CLDN16: variants seen among roughly 807,000 people sequenced by gnomAD.
CLDN16 encodes claudin 16, also known as claudin-16.
A neutral mutation model predicts 24.6 loss-of-function variants in CLDN16; 13 were observed. The ratio of observed to expected loss-of-function variants is 0.53; its 90% confidence interval spans 0.34 to 0.84. The LOEUF is 0.84. Among genes scored for constraint, CLDN16 ranks in the 40% least tolerant of loss-of-function variants. The pLI, the probability that CLDN16 is intolerant of heterozygous loss-of-function variation, is 0.01. For synonymous variants in CLDN16, 116 were observed against 106.7 expected (o/e 1.09, Z -0.54); for missense variants, 298 against 292.7 (o/e 1.02, Z -0.13).
intron 1 of CLDN16, among the ~76,000 whole-genome samples, chr3:190,328,363 A>C (rs1717114363): frequency 6.6e-6 from 1 of 152,144 alleles, no homozygotes; most frequent in Non-Finnish European, 1.5e-5. Flanking sequence ...TTCTCTCTCC[A>C]TTAGACATGA....
intron 1 of CLDN16, among the ~76,000 whole-genome samples, chr3:190,339,582 G>T (rs79501090): frequency 1.3e-5 from 2 of 152,120 alleles, no homozygotes; most frequent in Middle Eastern, 3.2e-3. Context: ...GAAGTTTAAT[G>T]ATCATTGGAA....
chr3:190,347,117 T>C (rs1005470776), intron 1 of CLDN16, among the ~76,000 whole-genome samples: 1 of 152,080 alleles, frequency 6.6e-6, no homozygotes, highest in Non-Finnish European at 1.5e-5. Context: ...ATGTCCAAGG[T>C]CACAAAGCTA....
chr3:190,297,437 A>G, the CLDN16 span, among the ~76,000 whole-genome samples: 15 of 144,622 alleles, frequency 1.0e-4, no homozygotes, highest in South Asian at 3.2e-3. Flanking sequence ...TAATTTACAT[A>G]CATATGTAAA....
chr3:190,327,636 G>A (rs1717096272), intron 1 of CLDN16, among the ~76,000 whole-genome samples: 1 of 152,202 alleles, frequency 6.6e-6, no homozygotes, highest in Non-Finnish European at 1.5e-5. Context: ...GAAAGCTTAT[G>A]TGGTACGCTA....
chr3:190,332,114 C>T (rs1303323666), intron 1 of CLDN16, among the ~76,000 whole-genome samples: 2 of 152,132 alleles, frequency 1.3e-5, no homozygotes, highest in African/African-American at 2.4e-5. Flanking sequence ...TAATTCCCAT[C>T]GTGCCATGTA....
intron 1 of CLDN16, among the ~76,000 whole-genome samples, chr3:190,357,405 C>T (rs903834420): frequency 6.6e-6 from 1 of 151,886 alleles, no homozygotes; most frequent in Non-Finnish European, 1.5e-5. Context: ...TTCAAACACT[C>T]TTTATTTTTG....
Position 190,410,754 on chromosome 3 carries a change from C to A in CLDN16, c.*718C>A, listed in dbSNP as rs1484170679. The A allele has an allele frequency of 1.3e-5, 2 of 152,100 alleles. No individual in the cohort carries two copies. Among genetic ancestry groups the A allele is most frequent in the Non-Finnish European group, 2.9e-5 (2 of 68,048 alleles). 9.4% of individuals were successfully genotyped at this position (152,100 alleles called of 1,614,324 possible). A position where few individuals can be genotyped will look rare whatever the true frequency, so the allele number is the denominator to read the frequency against. On this transcript the variant is annotated 3_prime_UTR_variant, in exon 5 of 5. Transcript: ENST00000264734. Reference sequence around the variant, plus strand: ...TATTCTAGCTTTGCTGATATATTGCCAAATGATTAGACTACAGAATAGTTC... The same window carrying A: ...TATTCTAGCTTTGCTGATATATTGCAAAATGATTAGACTACAGAATAGTTC...
chr3:190,399,412 T>C (rs910013792), intron 1 of CLDN16, among the ~76,000 whole-genome samples: 11 of 151,980 alleles, frequency 7.2e-5, no homozygotes, highest in African/African-American at 2.7e-4. Context: ...CTCGGGAGGC[T>C]GAGGCAGGAG....
At chr3:190,320,760 A>G (rs1365593058), upstream of CLDN16, among the ~76,000 whole-genome samples, 2 of 152,150 alleles carry the variant, frequency 1.3e-5, no homozygotes, top group African/African-American at 2.4e-5. Context: ...TTAGCATGCA[A>G]TGGGGGCCAG....
At chr3:190,351,372 TC>T in intron 1 of CLDN16, among the ~76,000 whole-genome samples, 1 of 152,276 alleles carries the variant, frequency 6.6e-6, no homozygotes, top group South Asian at 2.1e-4. Flanking sequence ...ATTTCTATTT[TC>T]TTCAGCATAA....
intron 1 of CLDN16, among the ~76,000 whole-genome samples, chr3:190,341,023 C>T (rs1717416326): frequency 6.6e-6 from 1 of 152,192 alleles, no homozygotes; most frequent in Non-Finnish European, 1.5e-5. Flanking sequence ...GCAGCTCTGC[C>T]CTTGTGGCTT....
chr3:190,322,923 C>A lies in CLDN16; in HGVS notation n.121+262C>A, dbSNP rs573696043. 3.4e-4 allele frequency among the ~76,000 whole-genome samples: 51 copies of A among 151,848 alleles called. 1 individual carries two copies. The South Asian group carries it at 4.6e-3, about 14-fold the overall frequency. On this transcript the variant is annotated intron_variant and non_coding_transcript_variant, in intron 1 of 4. Transcript: ENST00000468220. ...TCTGCTCTCTTCTGTCAAGGTCGTT[C>A]CATCACTTGTCTCTGCAAGGAGCCT...
intron 1 of CLDN16, among the ~76,000 whole-genome samples, chr3:190,397,794 C>T (rs1274560748): frequency 6.6e-6 from 1 of 152,154 alleles, no homozygotes; most frequent in Non-Finnish European, 1.5e-5. Flanking sequence ...TCCTTGTTTT[C>T]TCTAATGAGC....
At chr3:190,386,053 A>C (rs1338580468), upstream of CLDN16, among the ~76,000 whole-genome samples, 50 of 152,138 alleles carry the variant, frequency 3.3e-4, no homozygotes. Context: ...GGTAAAGTAC[A>C]CTGTGAAAAG....
At chr3:190,350,749 A>G (rs1717655077) in intron 1 of CLDN16, among the ~76,000 whole-genome samples, 1 of 152,192 alleles carries the variant, frequency 6.6e-6, no homozygotes, top group Non-Finnish European at 1.5e-5. Flanking sequence ...TTATCTGACC[A>G]ATGACTGAGT....
chr3:190,392,989 AC>A (rs1718719107), intron 1 of CLDN16, among the ~76,000 whole-genome samples: 1 of 152,118 alleles, frequency 6.6e-6, no homozygotes, highest in South Asian at 2.1e-4. Flanking sequence ...CAACTAGGAG[AC>A]TTTTGTTATA....
intron 1 of CLDN16, among the ~76,000 whole-genome samples, chr3:190,331,524 A>C (rs1286350518): frequency 6.6e-6 from 1 of 152,206 alleles, no homozygotes; most frequent in Non-Finnish European, 1.5e-5. Context: ...AATGAAAATT[A>C]AAAATTCAGT....
At chr3:190,380,156 C>CTT (rs1718333158) in intron 3 of CLDN16, among the ~76,000 whole-genome samples, 1 of 11,892 alleles carries the variant, frequency 8.4e-5, no homozygotes, top group African/African-American at 5.6e-4. Flanking sequence ...TTCCTTCCCT[C>CTT]CCTTCCTTCC....
chr3:190,408,745 T>C (rs893445262), intron 4 of CLDN16, among the ~76,000 whole-genome samples: 2 of 150,324 alleles, frequency 1.3e-5, no homozygotes, highest in African/African-American at 4.9e-5. Flanking sequence ...TTCAAATGTA[T>C]AATAGTTATC....
Sources: allele counts gnomAD v4.1 joint callset (sites outside exome capture counted in the v4.1 genomes callset), GRCh38; gene constraint gnomAD v4.1.1; transcripts MANE v1.5; gene names NCBI Gene and HGNC (gene_info 2026-07-23, HGNC 2026-07-21).